The following LINGO2 variants were observed in gnomAD, a reference collection of about 807,000 sequenced individuals.
LINGO2 encodes leucine-rich repeat and immunoglobulin-like domain-containing nogo receptor-interacting protein 2.
A neutral mutation model predicts 30.6 loss-of-function variants in LINGO2; 14 were observed. That is an observed-to-expected ratio of 0.46 (90% confidence interval 0.30 to 0.72). The LOEUF (loss-of-function observed/expected upper bound fraction) is 0.72. Among genes scored for constraint, LINGO2 ranks in the 30% least tolerant of loss-of-function variants. The pLI is 0.07. For synonymous variants in LINGO2, 317 were observed against 288.5 expected, an observed-to-expected ratio of 1.10 and a Z score of -1.00; for missense variants, 729 against 751.7, an observed-to-expected ratio of 0.97 and a Z score of 0.35.
intron 3 of LINGO2, among the ~76,000 whole-genome samples, chr9:28,330,116 A>G (rs919881630): frequency 3.3e-5 from 5 of 152,138 alleles, no homozygotes; most frequent in African/African-American, 1.2e-4. Context: ...AACGAACAGG[A>G]GAGAATGCTC....
chr9:29,127,672 T>C, the LINGO2 span, among the ~76,000 whole-genome samples: 1 of 152,044 alleles, frequency 6.6e-6, no homozygotes, highest in African/African-American at 2.4e-5. Context: ...TCCTTAGTAA[T>C]TGAGGGCAAC....
At chr9:28,512,644 T>TGC (rs1820454982) in intron 1 of LINGO2, among the ~76,000 whole-genome samples, 1 of 59,936 alleles carries the variant, frequency 1.7e-5, no homozygotes, top group African/African-American at 8.8e-5. Flanking sequence ...TATACACACA[T>TGC]ACATACACAC....
At chr9:28,480,666 C>T (rs985631609) in intron 1 of LINGO2, among the ~76,000 whole-genome samples, 3 of 152,076 alleles carry the variant, frequency 2.0e-5, no homozygotes, top group Admixed American at 2.0e-4. Context: ...CACCTTGCAA[C>T]TGGCTTCTCA....
chr9:28,877,012 CA>C, the LINGO2 span, among the ~76,000 whole-genome samples: 1 of 151,972 alleles, frequency 6.6e-6, no homozygotes, highest in African/African-American at 2.4e-5. Context: ...TGATGGTAAC[CA>C]TTTTTTCATG....
At chr9:28,582,553 G>A (rs1309548626) in intron 1 of LINGO2, among the ~76,000 whole-genome samples, 3 of 151,998 alleles carry the variant, frequency 2.0e-5, no homozygotes, top group African/African-American at 7.2e-5. Context: ...GTCTCACTCC[G>A]GTGACCAGGC....
intron 4 of LINGO2, among the ~76,000 whole-genome samples, chr9:28,177,388 G>A (rs1031719557): frequency 6.6e-6 from 1 of 152,094 alleles, no homozygotes; most frequent in Non-Finnish European, 1.5e-5. Flanking sequence ...AGGGAAATCC[G>A]AATTTACGCC....
At chr9:29,155,420 T>C in the LINGO2 span, among the ~76,000 whole-genome samples, 1 of 152,126 alleles carries the variant, frequency 6.6e-6, no homozygotes, top group Non-Finnish European at 1.5e-5. Context: ...TCCTATGTGA[T>C]ATTGTTGCTA....
At chr9:28,776,158 G>A in the LINGO2 span, among the ~76,000 whole-genome samples, 1 of 152,156 alleles carries the variant, frequency 6.6e-6, no homozygotes, top group African/African-American at 2.4e-5. Context: ...TAAGCCCCTG[G>A]CTTCAGTGAG....
intron 4 of LINGO2, among the ~76,000 whole-genome samples, chr9:28,202,361 C>A (rs1481581356): frequency 6.6e-6 from 1 of 152,058 alleles, no homozygotes; most frequent in African/African-American, 2.4e-5. Context: ...AACAAATACA[C>A]CTGCACATTT....
chr9:27,984,688 C>T (rs371294770), intron 5 of LINGO2, among the ~76,000 whole-genome samples: 9 of 151,734 alleles, frequency 5.9e-5, no homozygotes, highest in African/African-American at 1.9e-4. Flanking sequence ...TCATAGCTGG[C>T]TCTTGATCTT....
chr9:28,883,628 G>GTGGGTATGTATA, the LINGO2 span, among the ~76,000 whole-genome samples: 1 of 64,180 alleles, frequency 1.6e-5, no homozygotes, highest in South Asian at 6.4e-4. Flanking sequence ...ATGTGTGTGT[G>GTGGGTATGTATA]TATATATATA....
At chr9:28,926,288 T>C in the LINGO2 span, among the ~76,000 whole-genome samples, 1 of 152,040 alleles carries the variant, frequency 6.6e-6, no homozygotes, top group African/African-American at 2.4e-5. Context: ...CACTCCAGCC[T>C]GGGGGATAGA....
the LINGO2 span, among the ~76,000 whole-genome samples, chr9:29,119,389 T>C: frequency 2.1e-5 from 3 of 143,940 alleles, no homozygotes; most frequent in Admixed American, 7.0e-5. Context: ...CAGTTAAAAA[T>C]GAGCTATCTG....
the LINGO2 span, among the ~76,000 whole-genome samples, chr9:28,954,231 A>G: frequency 3.3e-5 from 5 of 152,170 alleles, no homozygotes. Context: ...TAGTTTGACT[A>G]TTAGTTACAC....
chr9:28,010,515 C>G (rs56389968), intron 5 of LINGO2, among the ~76,000 whole-genome samples: 4,027 of 152,244 alleles, frequency 0.026, 87 homozygotes, highest in South Asian at 0.067. Flanking sequence ...CAGAGAAAAG[C>G]CCTATTTTTC....
intron 1 of LINGO2, among the ~76,000 whole-genome samples, chr9:28,506,483 C>CATAT (rs1364134154): frequency 4.2e-5 from 1 of 23,980 alleles, no homozygotes; most frequent in Non-Finnish European, 9.6e-5. Flanking sequence ...CACACACATA[C>CATAT]ACATACACAC....
chr9:28,592,576 G>T (rs1824970065), intron 1 of LINGO2, among the ~76,000 whole-genome samples: 1 of 152,064 alleles, frequency 6.6e-6, no homozygotes, highest in Non-Finnish European at 1.5e-5. Context: ...GCCTCTCTCA[G>T]CAAGGCATCT....
At chr9:28,717,991 G>A in the LINGO2 span, among the ~76,000 whole-genome samples, 2 of 151,970 alleles carry the variant, frequency 1.3e-5, no homozygotes, top group South Asian at 2.1e-4. Context: ...AATGAAATAA[G>A]GCAGTGTCCC....
intron 2 of LINGO2, among the ~76,000 whole-genome samples, chr9:28,403,669 TC>T (rs1822369515): frequency 7.8e-6 from 1 of 128,428 alleles, no homozygotes; most frequent in Admixed American, 8.2e-5. Flanking sequence ...TTTTTTTTTT[TC>T]AAAGGATGAC....
Sources: allele counts gnomAD v4.1 joint callset (sites outside exome capture counted in the v4.1 genomes callset), GRCh38; gene constraint gnomAD v4.1.1; transcripts MANE v1.5; gene names NCBI Gene and HGNC (gene_info 2026-07-23, HGNC 2026-07-21).